Variants in KLHL24 observed in about 807,000 individuals in gnomAD.
KLHL24 encodes the protein kelch-like protein 24.
A neutral mutation model predicts 53.4 loss-of-function variants in KLHL24; 29 were observed. The observed-to-expected ratio is 0.54, with a 90% CI of 0.40 to 0.74. KLHL24 has a LOEUF of 0.74. KLHL24 is among the 30% of genes least tolerant of loss of function. The pLI, the probability that KLHL24 is intolerant of heterozygous loss-of-function variation, is 0.00. For synonymous variants in KLHL24, 222 were observed against 253.7 expected (o/e 0.88, Z 1.19); for missense variants, 504 against 744.0 (o/e 0.68, Z 3.75).
chr3:183,656,204 T>C (rs541624845), intron 3 of KLHL24, among the ~76,000 whole-genome samples: 9 of 152,202 alleles, frequency 5.9e-5, no homozygotes, highest in Admixed American at 1.3e-4. Context: ...CCCTGGCTTA[T>C]TTTTTGTAGA....
intron 3 of KLHL24, among the ~76,000 whole-genome samples, chr3:183,659,179 A>G (rs1283353511): frequency 1.3e-5 from 2 of 152,050 alleles, no homozygotes; most frequent in African/African-American, 4.8e-5. Context: ...AATGTATCCA[A>G]ATTCTGATTG....
intron 5 of KLHL24, among the ~76,000 whole-genome samples, chr3:183,670,706 T>C (rs1284944706): frequency 1.3e-5 from 2 of 152,146 alleles, no homozygotes; most frequent in African/African-American, 4.8e-5. Flanking sequence ...GATTGTTTCT[T>C]AGAAGATGAA....
intron 3 of KLHL24, among the ~76,000 whole-genome samples, chr3:183,661,973 TGATA>T (rs1713695380): frequency 6.6e-6 from 1 of 152,182 alleles, no homozygotes; most frequent in African/African-American, 2.4e-5. Context: ...ATGGAAAGAA[TGATA>T]GATAAGTCAG....
Position 183,650,290 on chromosome 3 carries a change from T to C in KLHL24, c.-61-6T>C, listed in dbSNP as rs1717948747. The C allele has an allele frequency of 7.7e-7, 1 of 1,301,302 alleles. No individual in the cohort carries two copies. Among genetic ancestry groups the C allele is most frequent in the Non-Finnish European group, 1.1e-6 (1 of 940,322 alleles). The allele number at this position is 1,301,302 out of a possible 1,614,324, so 80.6% of individuals were successfully genotyped here. Reference sequence around the variant, plus strand: ...TATTGAAATGTTTTCCTTTTTTTACTTTTAGCCACATAAAGAAGATCCCTA... The same window carrying C: ...TATTGAAATGTTTTCCTTTTTTTACCTTTAGCCACATAAAGAAGATCCCTA... On this transcript the variant is annotated splice_region_variant and splice_polypyrimidine_tract_variant and intron_variant, in intron 2 of 7. Transcript: ENST00000242810. This position sits in a 1 kb window ranked among gnomAD's most constrained non-coding sequence, Gnocchi z 4.5.
rs193025073 is a variant in KLHL24, at chr3:183,651,418, T to C, written c.920+142T>C. 4.0e-4 allele frequency: 247 copies of C among 621,226 alleles called. No homozygotes were observed. In the African/African-American group the frequency reaches 4.2e-3, roughly 10 times the overall value. 38.5% of individuals were successfully genotyped at this position (621,226 alleles called of 1,614,324 possible). On this transcript the variant is annotated intron_variant, in intron 3 of 7. Transcript: ENST00000242810. ...TTTTAGATTTATTTTGGATTATATG[T>C]CACTAGAATGTCTTTCCTAGTGAAT...
intron 7 of KLHL24, 48 bp downstream of exon 7, chr3:183,672,532 A>T: frequency 7.6e-7 from 1 of 1,314,368 alleles, no homozygotes; most frequent in Non-Finnish European, 1.1e-6. Flanking sequence ...AAGAGGGACC[A>T]AGTACATAAT....
intron 1 of KLHL24, among the ~76,000 whole-genome samples, chr3:183,641,510 A>T (rs1390784511): frequency 6.6e-6 from 1 of 150,528 alleles, no homozygotes; most frequent in Non-Finnish European, 1.5e-5. Context: ...ACTATATTGC[A>T]ATTATTTTCT....
chr3:183,674,250 T>C (rs967598986), intron 7 of KLHL24, among the ~76,000 whole-genome samples: 65 of 129,564 alleles, frequency 5.0e-4, no homozygotes, highest in Non-Finnish European at 1.7e-4. Flanking sequence ...CAATTTTCTT[T>C]CTTTCTTTCT....
At chr3:183,677,078 T>C (rs1286155688) in intron 7 of KLHL24, among the ~76,000 whole-genome samples, 1 of 152,156 alleles carries the variant, frequency 6.6e-6, no homozygotes, top group Non-Finnish European at 1.5e-5. Context: ...AATGGTATTT[T>C]ACTAGCATGA....
intron 1 of KLHL24, among the ~76,000 whole-genome samples, chr3:183,640,748 C>T (rs994049084): frequency 1.8e-4 from 28 of 151,832 alleles, no homozygotes; most frequent in Admixed American, 1.8e-3. Flanking sequence ...TACAGGTGCC[C>T]GCCACCACAC....
rs1473663682 is a variant in KLHL24 at position 183,650,715 on chromosome 3, T to G, written c.359T>G (p.Phe120Cys). 1 of 1,613,776 alleles carries G rather than the reference T, an allele frequency of 6.2e-7. No individual in the cohort carries two copies. ...NGILAEAMEC[F>C]LQYVYTGKVK... ...ATTTTAGCTGAAGCTATGGAATGTT[T>G]TTTGCAGTATGTTTATACTGGAAAG... is the stretch of plus-strand genomic sequence containing the variant. Residue 120 changes from phenylalanine (F) to cysteine (C), a missense_variant, in exon 3 of 8, where the codon TTT (phenylalanine) becomes TGT (cysteine). Coordinates refer to ENST00000242810, the MANE Select transcript of KLHL24 (RefSeq NM_017644.3). This position sits in a 1 kb window ranked among gnomAD's most constrained non-coding sequence, Gnocchi z 4.5.
In KLHL24 at chr3:183,672,593, G is replaced by T. The variant is rs111860385; in HGVS notation, c.1602+109G>T. ...TTTTAAAATATTTCAGGCTGGGCGT[G>T]GTGGCTCACGCCTGTAATCCCAGCA... is the stretch of plus-strand genomic sequence containing the variant. On this transcript the variant is annotated intron_variant, in intron 7 of 7. Transcript: ENST00000242810. 18 of 800,320 alleles carry T rather than the reference G, an allele frequency of 2.2e-5. 1 individual carries two copies. The highest frequency in any genetic ancestry group is 2.0e-4 in the Admixed American group (6 of 30,538). The allele number at this position is 800,320 out of a possible 1,614,324, so 49.6% of individuals were successfully genotyped here. A position where few individuals can be genotyped will look rare whatever the true frequency, so the allele number is the denominator to read the frequency against.
chr3:183,669,296 G>C (rs1253003032), intron 5 of KLHL24, among the ~76,000 whole-genome samples: 1 of 152,034 alleles, frequency 6.6e-6, no homozygotes, highest in Non-Finnish European at 1.5e-5. Flanking sequence ...ACATTGCAGT[G>C]AGCTGAGATC....
At position 183,683,426 on chromosome 3, in the gene KLHL24, CT is replaced by C. The variant is rs982942607; in HGVS notation, c.*4145del. ...GTTTACATCACCTCACCCCATTATTCTTTTTAGTTAAATAAATTTACCATGC... is the reference window on the plus strand; with the variant it reads ...GTTTACATCACCTCACCCCATTATTCTTTTAGTTAAATAAATTTACCATGC... On this transcript the variant is annotated 3_prime_UTR_variant, in exon 8 of 8. Coordinates refer to ENST00000242810, the MANE Select transcript of KLHL24 (RefSeq NM_017644.3). The C allele has an allele frequency of 5.2e-5, 8 of 152,556 alleles. No individual in the cohort carries two copies. The highest frequency in any genetic ancestry group is 5.2e-4 in the Admixed American group (8 of 15,278). The allele number at this position is 152,556 out of a possible 1,614,324, so 9.5% of individuals were successfully genotyped here.
At chr3:183,652,903 C>T (rs969696192) in intron 3 of KLHL24, among the ~76,000 whole-genome samples, 5 of 152,078 alleles carry the variant, frequency 3.3e-5, no homozygotes, top group African/African-American at 1.2e-4. Context: ...GCCTGCATAT[C>T]TCATAGGATT....
rs1165248706 is a variant in KLHL24, at chr3:183,677,680, T to G, written c.1603-1406T>G. Among the ~76,000 whole-genome samples the G allele has an allele frequency of 2.0e-5, 3 of 152,194 alleles. No homozygotes were observed. In the East Asian group the frequency reaches 5.8e-4, roughly 29 times the overall value. On this transcript the variant is annotated intron_variant, in intron 7 of 7. Transcript: ENST00000242810. ...AACCAGGATAATAAGGTGCAATAAC[T>G]CTCTGAATTAAAGTGAAACTTTAAT...
At chr3:183,637,276 CTTG>C (rs920053390) in intron 1 of KLHL24, among the ~76,000 whole-genome samples, 15 of 152,228 alleles carry the variant, frequency 9.9e-5, no homozygotes, top group African/African-American at 3.4e-4. Flanking sequence ...TTAAAATCTG[CTTG>C]TTGTTGGCTG....
At chr3:183,647,664 T>C (rs913886735) in intron 2 of KLHL24, among the ~76,000 whole-genome samples, 2 of 152,086 alleles carry the variant, frequency 1.3e-5, no homozygotes, top group Admixed American at 6.5e-5. Context: ...TGAGCCAAGA[T>C]GGCGCCACTA....
chr3:183,672,416 A>C lies in KLHL24; in HGVS notation c.1534A>C (p.Lys512Gln). 5.0e-6 allele frequency: 8 copies of C among 1,613,868 alleles called. No homozygotes were observed. The highest frequency in any genetic ancestry group is 5.9e-6 in the Non-Finnish European group (7 of 1,179,872). Residue 512 changes from lysine to glutamine, a missense_variant, in exon 7 of 8, where the codon AAG (lysine) becomes CAG (glutamine). Transcript: ENST00000242810. Reference protein sequence around the residue: ...NLIYVAGGLTKAIYCYDPVED... With the variant: ...NLIYVAGGLTQAIYCYDPVED... ...GATCTATGTTGCCGGTGGACTGACCAAGGCAATATACTGTTACGATCCAGT... is the reference window on the plus strand; with the variant it reads ...GATCTATGTTGCCGGTGGACTGACCCAGGCAATATACTGTTACGATCCAGT...
Sources: gnomAD v4.1 joint callset for allele counts (sites outside exome capture counted in the v4.1 genomes callset) on GRCh38, gnomAD v4.1.1 for gene constraint, Gnocchi (gnomAD v3.1) non-coding constraint, MANE v1.5 for transcripts, NCBI Gene and HGNC (gene_info 2026-07-23, HGNC 2026-07-21) for gene names.